Variants in SLC4A10 observed in about 807,000 individuals in gnomAD.
SLC4A10 encodes the protein solute carrier family 4 member 10, also known as sodium-driven chloride bicarbonate exchanger.
A neutral mutation model predicts 137.7 loss-of-function variants in SLC4A10; 42 were observed. The ratio of observed to expected loss-of-function variants is 0.30; its 90% CI spans 0.24 to 0.39. SLC4A10 has a LOEUF of 0.39. Among genes scored for constraint, SLC4A10 ranks in the 10% least tolerant of loss-of-function variants. SLC4A10 has a pLI of 1.00. For synonymous variants in SLC4A10, 474 were observed against 464.1 expected (o/e 1.02, Z -0.27); for missense variants, 925 against 1,355.0 (o/e 0.68, Z 4.98).
intron 3 of SLC4A10, among the ~76,000 whole-genome samples, chr2:161,835,752 C>T (rs1054169523): frequency 6.6e-6 from 1 of 152,194 alleles, no homozygotes; most frequent in Admixed American, 6.5e-5. Flanking sequence ...AGAGACTGTG[C>T]AATTGCTTAT....
At chr2:161,904,643 G>T (rs755919787) in intron 13 of SLC4A10, 133 bp from the exon 14 acceptor site, 4 of 1,040,320 alleles carry the variant, frequency 3.8e-6, no homozygotes, top group Non-Finnish European at 5.5e-6. Flanking sequence ...TCTACCCCAC[G>T]TCTTGCCCAG....
At chr2:161,860,058 A>G (rs2060345961) in intron 5 of SLC4A10, among the ~76,000 whole-genome samples, 1 of 152,228 alleles carries the variant, frequency 6.6e-6, no homozygotes, top group Admixed American at 6.5e-5. Flanking sequence ...GGTGAAAAGA[A>G]CAATGTAAGT....
chr2:161,850,619 G>T (rs941369907), intron 4 of SLC4A10, among the ~76,000 whole-genome samples: 1 of 151,926 alleles, frequency 6.6e-6, no homozygotes, highest in Non-Finnish European at 1.5e-5. Flanking sequence ...AATTAGTATA[G>T]CTAATAGTAT....
chr2:161,685,635 CAA>C (rs201910372), intron 1 of SLC4A10, among the ~76,000 whole-genome samples: 1 of 67,988 alleles, frequency 1.5e-5, no homozygotes, highest in African/African-American at 5.5e-5. Flanking sequence ...AACAAACAAA[CAA>C]AAAAAAAAAC....
At chr2:161,681,663 C>G (rs1195441385) in intron 1 of SLC4A10, among the ~76,000 whole-genome samples, 1 of 152,086 alleles carries the variant, frequency 6.6e-6, no homozygotes, top group African/African-American at 2.4e-5. Context: ...CCTATAACTC[C>G]TTGTTTCATC....
intron 10 of SLC4A10, among the ~76,000 whole-genome samples, chr2:161,883,403 C>T (rs1162245950): frequency 7.2e-5 from 11 of 152,216 alleles, no homozygotes; most frequent in Non-Finnish European, 7.4e-5. Context: ...ATAAATTCTT[C>T]AATCTGTCCA....
chr2:161,882,362 TG>T lies in SLC4A10; in HGVS notation c.1113del (p.Leu371PhefsTer24). ...LAEVPIPTRF[L>X]FILLGPLGKG... ...TTTTTTCTTCTTAATTACAGATTTTTGTTCATTCTTCTGGGACCCCTGGGAA... is the reference window on the plus strand; with the variant it reads ...TTTTTTCTTCTTAATTACAGATTTTTTTCATTCTTCTGGGACCCCTGGGAA... On this transcript the variant is annotated frameshift_variant, in exon 10 of 27. Coordinates refer to ENST00000446997, the MANE Select transcript of SLC4A10 (RefSeq NM_001178015.2). LOFTEE classifies it high-confidence loss of function. 6.4e-7 allele frequency: 1 copy of T among 1,568,168 alleles called. No individual in the cohort carries two copies.
intron 2 of SLC4A10, among the ~76,000 whole-genome samples, chr2:161,787,189 G>T (rs2053720986): frequency 2.0e-5 from 3 of 151,984 alleles, no homozygotes; most frequent in Admixed American, 1.3e-4. Context: ...GCTTAGTTAG[G>T]CAGGATATAC....
intron 15 of SLC4A10, among the ~76,000 whole-genome samples, chr2:161,909,053 A>G (rs1316421087): frequency 8.1e-6 from 1 of 123,566 alleles, no homozygotes; most frequent in Non-Finnish European, 1.6e-5. Context: ...GGACACAGGA[A>G]GGGGAACATC....
At chr2:161,918,736 T>C (rs1310712227) in intron 15 of SLC4A10, among the ~76,000 whole-genome samples, 1 of 152,188 alleles carries the variant, frequency 6.6e-6, no homozygotes, top group African/African-American at 2.4e-5. Flanking sequence ...GTGGCCCATC[T>C]GAAGTGGCTG....
At chr2:161,742,011 CCTCT>C (rs2047945334) in intron 1 of SLC4A10, among the ~76,000 whole-genome samples, 1 of 152,298 alleles carries the variant, frequency 6.6e-6, no homozygotes, top group Non-Finnish European at 1.5e-5. Flanking sequence ...CTATCATTCT[CCTCT>C]CTATCTCCAT....
At chr2:161,914,417 G>A (rs566170587) in intron 15 of SLC4A10, among the ~76,000 whole-genome samples, 52 of 152,188 alleles carry the variant, frequency 3.4e-4, no homozygotes, top group African/African-American at 9.4e-4. Context: ...GAAGGGTCAC[G>A]AAACATGTTC....
intron 10 of SLC4A10, among the ~76,000 whole-genome samples, chr2:161,893,583 C>T (rs1037174579): frequency 6.6e-6 from 1 of 151,850 alleles, no homozygotes; most frequent in Non-Finnish European, 1.5e-5. Context: ...CCTGTAGTCC[C>T]AGCTACTTGG....
At chr2:161,881,204 G>T (rs6707956) in intron 9 of SLC4A10, among the ~76,000 whole-genome samples, 64,681 of 151,736 alleles carry the variant, frequency 0.43, 14,089 homozygotes, top group Admixed American at 0.49. Context: ...ATAGTAGAAA[G>T]GTCAGAAAAT....
intron 6 of SLC4A10, among the ~76,000 whole-genome samples, chr2:161,871,723 A>G (rs893546460): frequency 1.3e-5 from 2 of 152,122 alleles, no homozygotes. Flanking sequence ...AATCATATCC[A>G]TAGTGTTCAT....
intron 6 of SLC4A10, among the ~76,000 whole-genome samples, chr2:161,868,224 C>G (rs913228600): frequency 1.3e-5 from 2 of 151,666 alleles, no homozygotes; most frequent in Non-Finnish European, 3.0e-5. Context: ...TGAGAATATA[C>G]CTTTTTTTCC....
intron 1 of SLC4A10, chr2:161,709,870 A>G (rs995942652): frequency 1.2e-4 from 18 of 151,608 alleles, no homozygotes; most frequent in African/African-American, 4.3e-4. Context: ...TTCTGCCTCA[A>G]TGTTAGAGAA....
At chr2:161,747,090 C>T (rs978633342) in intron 1 of SLC4A10, among the ~76,000 whole-genome samples, 1 of 152,058 alleles carries the variant, frequency 6.6e-6, no homozygotes, top group African/African-American at 2.4e-5. Context: ...ACATGCACCC[C>T]AAACCTACTG....
In SLC4A10 at chr2:161,893,196, G is replaced by T. The variant is rs932692131; in HGVS notation, c.1195-1483G>T. Among the ~76,000 whole-genome samples, 4 of 152,098 alleles carry T rather than the reference G, an allele frequency of 2.6e-5. No homozygotes were observed. The South Asian group carries it at 8.3e-4, about 31-fold the overall frequency. The stretch of plus-strand genomic sequence containing the variant: ...CAAAGAAGTACAATCTTACCATGTG[G>T]TCTAGAAGAAAACCTGGAATATCTG... On this transcript the variant is annotated intron_variant, in intron 10 of 26. Coordinates refer to ENST00000446997, the MANE Select transcript of SLC4A10 (RefSeq NM_001178015.2).
Sources: gnomAD v4.1 joint callset for allele counts (sites outside exome capture counted in the v4.1 genomes callset) on GRCh38, gnomAD v4.1.1 for gene constraint, MANE v1.5 for transcripts, NCBI Gene and HGNC (gene_info 2026-07-23, HGNC 2026-07-21) for gene names.